Variants in SORCS2 observed in about 807,000 individuals in gnomAD.
SORCS2 encodes sortilin related VPS10 domain containing receptor 2.
SORCS2 carries 100 observed loss-of-function variants against 141.6 expected under a neutral mutation model. That is an observed-to-expected ratio of 0.71 (90% CI 0.60 to 0.83). The LOEUF is 0.83. Ranked by LOEUF, SORCS2 falls within the 40% of genes least tolerant of loss-of-function variation. The pLI, the probability that SORCS2 is intolerant of heterozygous loss-of-function variation, is 0.00. For synonymous variants in SORCS2, 789 were observed against 676.9 expected, an observed-to-expected ratio of 1.17 and a Z score of -2.57; for missense variants, 1,646 against 1,560.2, an observed-to-expected ratio of 1.05 and a Z score of -0.93.
rs1292534666 is a variant in SORCS2, at chr4:7,663,023, T to C, written c.953-1330T>C. On this transcript the variant is annotated intron_variant, in intron 6 of 26. Coordinates refer to ENST00000507866, the MANE Select transcript of SORCS2 (RefSeq NM_020777.3). The surrounding 1 kb of genome is among the most constrained non-coding windows in gnomAD (Gnocchi z 4.8). Reference sequence around the variant, plus strand: ...GTGAGTGGATGAGTGAGTGGGTGAATGAGTGAATAGGTGTGTGAGTGAAGG... The same window carrying C: ...GTGAGTGGATGAGTGAGTGGGTGAACGAGTGAATAGGTGTGTGAGTGAAGG... Among the ~76,000 whole-genome samples, 2 of 151,048 alleles carry C rather than the reference T, an allele frequency of 1.3e-5. No individual in the cohort carries two copies. The highest frequency in any genetic ancestry group is 2.9e-5 in the Non-Finnish European group (2 of 67,850).
intron 2 of SORCS2, among the ~76,000 whole-genome samples, chr4:7,435,156 G>A (rs751803012): frequency 1.3e-5 from 2 of 152,108 alleles, no homozygotes; most frequent in Non-Finnish European, 2.9e-5. Context: ...TCGGCTCCTA[G>A]GAAGCCCTCC....
chr4:7,742,804 A>T lies in SORCS2; in HGVS notation c.*2540A>T, dbSNP rs1712768272. 6.6e-6 allele frequency: 1 copy of T among 152,564 alleles called. No homozygotes were observed. Among genetic ancestry groups the T allele is most frequent in the Non-Finnish European group, 1.5e-5 (1 of 68,050 alleles). The allele number at this position is 152,564 out of a possible 1,614,324, so 9.5% of individuals were successfully genotyped here. ...ATGAATCATTTGTGATGCTTTTAAC[A>T]AAGATTAAATGAATTTGATCAGCTT... On this transcript the variant is annotated 3_prime_UTR_variant, in exon 27 of 27. Coordinates refer to ENST00000507866, the MANE Select transcript of SORCS2 (RefSeq NM_020777.3).
At chr4:7,604,637 C>A (rs1212381138) in intron 3 of SORCS2, among the ~76,000 whole-genome samples, 1 of 152,198 alleles carries the variant, frequency 6.6e-6, no homozygotes, top group Non-Finnish European at 1.5e-5. Context: ...GTTCCTATGC[C>A]CACATTCATT....
At chr4:7,453,591 T>G (rs55930129) in intron 2 of SORCS2, among the ~76,000 whole-genome samples, 1 of 140,670 alleles carries the variant, frequency 7.1e-6, no homozygotes, top group Admixed American at 6.9e-5. Context: ...TCAGGCACTG[T>G]GTTGGGGTCA....
intron 13 of SORCS2, among the ~76,000 whole-genome samples, chr4:7,703,820 C>T (rs1234223312): frequency 6.6e-6 from 1 of 152,204 alleles, no homozygotes; most frequent in Non-Finnish European, 1.5e-5. Flanking sequence ...GCCAGTATCA[C>T]TGTAGTCTGA....
In SORCS2 at chr4:7,540,442, C is replaced by T. The variant is rs1712537342; in HGVS notation, c.648+8813C>T. ...AGCGGGGGATGGCAGCACCCTGTGG[C>T]TGCTTTGCCACCGCCTGTGCTTTGT... On this transcript the variant is annotated intron_variant, in intron 3 of 26. Coordinates refer to ENST00000507866, the MANE Select transcript of SORCS2 (RefSeq NM_020777.3). Among the ~76,000 whole-genome samples the T allele has an allele frequency of 3.9e-5, 6 of 152,260 alleles. No homozygotes were observed. The South Asian group carries it at 1.2e-3, about 32-fold the overall frequency.
intron 1 of SORCS2, among the ~76,000 whole-genome samples, chr4:7,298,119 A>C (rs1335211216): frequency 6.6e-6 from 1 of 152,154 alleles, no homozygotes; most frequent in Non-Finnish European, 1.5e-5. Flanking sequence ...CAAGGAGGCG[A>C]CGGGGCTGGG....
intron 2 of SORCS2, among the ~76,000 whole-genome samples, chr4:7,484,391 T>C (rs1730845781): frequency 6.6e-6 from 1 of 152,194 alleles, no homozygotes; most frequent in Non-Finnish European, 1.5e-5. Context: ...CTTCCTCCTA[T>C]TTTATGAATT....
chr4:7,404,703 G>T (rs1724865990), intron 2 of SORCS2, among the ~76,000 whole-genome samples: 1 of 151,930 alleles, frequency 6.6e-6, no homozygotes, highest in African/African-American at 2.4e-5. Context: ...ATGATTATTT[G>T]TTTTTTGTTG....
At chr4:7,304,514 T>C (rs1387605276) in intron 1 of SORCS2, among the ~76,000 whole-genome samples, 1 of 152,204 alleles carries the variant, frequency 6.6e-6, no homozygotes, top group Non-Finnish European at 1.5e-5. Flanking sequence ...GTTGAACAAA[T>C]GTGCATTGAG....
chr4:7,616,078 A>G (rs1718737122), intron 3 of SORCS2, among the ~76,000 whole-genome samples: 1 of 152,196 alleles, frequency 6.6e-6, no homozygotes, highest in Admixed American at 6.5e-5. Flanking sequence ...CCCTAGCTTC[A>G]GCTGGACTCT....
chr4:7,465,875 G>A (rs1471180746), intron 2 of SORCS2, among the ~76,000 whole-genome samples: 2 of 152,188 alleles, frequency 1.3e-5, no homozygotes, highest in African/African-American at 4.8e-5. Context: ...ACCCTGGGAG[G>A]TGGGTTCTCT....
At chr4:7,597,178 AGGGGCTATTACAATGGAAGAG>A (rs1195967518) in intron 3 of SORCS2, among the ~76,000 whole-genome samples, 1 of 141,466 alleles carries the variant, frequency 7.1e-6, no homozygotes, top group East Asian at 2.1e-4. Flanking sequence ...GTAGTAGGGG[AGGGGCTATTACAATGGAAGAG>A]GGGGCTATTG....
intron 3 of SORCS2, among the ~76,000 whole-genome samples, chr4:7,588,114 G>A (rs1577798106): frequency 6.6e-6 from 1 of 152,160 alleles, no homozygotes; most frequent in Admixed American, 6.5e-5. Context: ...AGTGAGAAAC[G>A]CCGCCCATCT....
At chr4:7,482,716 T>C (rs112508966) in intron 2 of SORCS2, among the ~76,000 whole-genome samples, 5 of 108,766 alleles carry the variant, frequency 4.6e-5, no homozygotes, top group Non-Finnish European at 8.9e-5. Flanking sequence ...CCCCTGACGC[T>C]GTTCAGACCT....
chr4:7,582,103 CATATT>C (rs1250962826), intron 3 of SORCS2, among the ~76,000 whole-genome samples: 2 of 152,118 alleles, frequency 1.3e-5, no homozygotes, highest in Non-Finnish European at 2.9e-5. Flanking sequence ...TTATTGGAGA[CATATT>C]ATATTCTGAG....
chr4:7,269,318 GC>G (rs1344449779), intron 1 of SORCS2, among the ~76,000 whole-genome samples: 1 of 152,222 alleles, frequency 6.6e-6, no homozygotes, highest in Non-Finnish European at 1.5e-5. Flanking sequence ...GTTGTGCAGG[GC>G]CGCCAGGGCC....
At chr4:7,234,197 T>C (rs1318540182) in intron 1 of SORCS2, among the ~76,000 whole-genome samples, 1 of 152,240 alleles carries the variant, frequency 6.6e-6, no homozygotes, top group African/African-American at 2.4e-5. Context: ...TTGATTCTTT[T>C]GATACCTTGA....
chr4:7,312,172 G>A (rs1718227085), intron 1 of SORCS2, among the ~76,000 whole-genome samples: 2 of 152,214 alleles, frequency 1.3e-5, no homozygotes, highest in Admixed American at 1.3e-4. Flanking sequence ...ACCGCACCCA[G>A]CCGTCTTTTT....
Sources: allele counts gnomAD v4.1 joint callset (sites outside exome capture counted in the v4.1 genomes callset), GRCh38; gene constraint gnomAD v4.1.1; non-coding constraint Gnocchi (gnomAD v3.1); transcripts MANE v1.5; gene names NCBI Gene and HGNC (gene_info 2026-07-23, HGNC 2026-07-21).